The following THSD7B variants were observed in gnomAD, a reference collection of about 807,000 sequenced individuals.
THSD7B encodes the protein thrombospondin type 1 domain containing 7B, also known as thrombospondin type-1 domain-containing protein 7B.
A neutral mutation model predicts 213.6 loss-of-function variants in THSD7B; 138 were observed. The ratio of observed to expected loss-of-function variants is 0.65; its 90% confidence interval spans 0.56 to 0.74. The LOEUF (loss-of-function observed/expected upper bound fraction) is 0.74. Among genes scored for constraint, THSD7B ranks in the 30% least tolerant of loss-of-function variants. The pLI is 0.00. For synonymous variants in THSD7B, 742 were observed against 687.0 expected, an observed-to-expected ratio of 1.08 and a Z score of -1.25; for missense variants, 1,931 against 1,991.5, an observed-to-expected ratio of 0.97 and a Z score of 0.58.
intron 3 of THSD7B, among the ~76,000 whole-genome samples, chr2:137,059,390 C>A (rs751721996): frequency 6.6e-6 from 1 of 152,106 alleles, no homozygotes; most frequent in Non-Finnish European, 1.5e-5. Context: ...TTAATAAAGA[C>A]TATAGTTTAC....
chr2:136,921,047 G>A (rs7594292), intron 2 of THSD7B, among the ~76,000 whole-genome samples: 24,238 of 151,842 alleles, frequency 0.16, 2,436 homozygotes, highest in East Asian at 0.44. Flanking sequence ...ATCAGCACCC[G>A]GGAGTGCGGC....
chr2:137,079,606 G>A (rs186793178), intron 3 of THSD7B, among the ~76,000 whole-genome samples: 31 of 148,520 alleles, frequency 2.1e-4, no homozygotes, highest in Admixed American at 1.1e-3. Flanking sequence ...AAACCACTAC[G>A]ATATGTGTGT....
chr2:136,945,079 G>A (rs1362518651), intron 2 of THSD7B, among the ~76,000 whole-genome samples: 2 of 152,130 alleles, frequency 1.3e-5, no homozygotes, highest in East Asian at 3.9e-4. Context: ...TGTAGGGCAG[G>A]CATGGTGGTG....
chr2:137,329,848 C>T lies in THSD7B; in HGVS notation c.2500+53822C>T, dbSNP rs189100874. Reference sequence around the variant, plus strand: ...GTTGATCACCAAGACAATGGGGAAACTGTCTCTAGGGCACGTCAGAGACCT... The same window carrying T: ...GTTGATCACCAAGACAATGGGGAAATTGTCTCTAGGGCACGTCAGAGACCT... On this transcript the variant is annotated intron_variant, in intron 12 of 27. Transcript: ENST00000409968. 2.8e-3 allele frequency among the ~76,000 whole-genome samples: 433 copies of T among 152,306 alleles called. 1 individual carries two copies. The highest frequency in any genetic ancestry group is 9.9e-3 in the African/African-American group (411 of 41,556).
chr2:137,068,916 A>G (rs773883042), intron 3 of THSD7B, among the ~76,000 whole-genome samples: 19 of 152,026 alleles, frequency 1.2e-4, no homozygotes, highest in Non-Finnish European at 2.2e-4. Flanking sequence ...CACTTTATCA[A>G]TCTAGGACAC....
At chr2:137,634,221 T>A (rs1230091473) in intron 20 of THSD7B, among the ~76,000 whole-genome samples, 1 of 152,128 alleles carries the variant, frequency 6.6e-6, no homozygotes, top group Admixed American at 6.5e-5. Context: ...CCCTTCTAGA[T>A]GTTGGTTTCT....
At chr2:137,027,971 A>C (rs1446160846) in intron 2 of THSD7B, among the ~76,000 whole-genome samples, 1 of 152,204 alleles carries the variant, frequency 6.6e-6, no homozygotes, top group Admixed American at 6.5e-5. Context: ...TGCTTATCAT[A>C]GTTCCCTGCA....
intron 2 of THSD7B, among the ~76,000 whole-genome samples, chr2:137,040,745 C>T (rs913416200): frequency 2.6e-5 from 4 of 152,014 alleles, no homozygotes; most frequent in African/African-American, 9.7e-5. Context: ...CAGTGTACCC[C>T]ATGGCTTATG....
In THSD7B at chr2:137,056,904, TCC is replaced by T. The variant is rs1161591760; in HGVS notation, c.628_629del (p.Pro210SerfsTer12). On this transcript the variant is annotated frameshift_variant, in exon 3 of 28. Transcript: ENST00000409968. LOFTEE classifies it high-confidence loss of function. The part of the protein sequence containing the change: ...LQHRTRAVIA[P>X]PLFGGLQCPN... ...AGCATAGAACTCGCGCGGTCATAGC[TCC>T]CCCTCTCTTTGGTGGTTTGCAATGT... 1 of 1,613,740 alleles carries T rather than the reference TCC, an allele frequency of 6.2e-7. No homozygotes were observed. The highest frequency in any genetic ancestry group is 1.7e-5 in the Admixed American group (1 of 59,996).
At chr2:136,920,287 C>T (rs1329938712) in intron 2 of THSD7B, among the ~76,000 whole-genome samples, 1 of 152,186 alleles carries the variant, frequency 6.6e-6, no homozygotes, top group African/African-American at 2.4e-5. Flanking sequence ...TTTCCTTCCA[C>T]AGGCAGGTCG....
chr2:136,972,195 A>G (rs1490289001), intron 2 of THSD7B, among the ~76,000 whole-genome samples: 2 of 152,134 alleles, frequency 1.3e-5, no homozygotes, highest in Admixed American at 1.3e-4. Flanking sequence ...ATCCAACATT[A>G]TCTGCTGAAT....
At chr2:137,304,840 C>A (rs2104851694) in intron 12 of THSD7B, among the ~76,000 whole-genome samples, 1 of 152,084 alleles carries the variant, frequency 6.6e-6, no homozygotes, top group Middle Eastern at 3.4e-3. Flanking sequence ...AATAATAATT[C>A]ATAATAATGT....
intron 1 of THSD7B, among the ~76,000 whole-genome samples, chr2:136,861,383 G>A (rs1683257213): frequency 6.6e-6 from 1 of 152,178 alleles, no homozygotes; most frequent in African/African-American, 2.4e-5. Context: ...CCTACCATGT[G>A]TGAGATTCCG....
At chr2:136,815,786 G>T (rs1304381047) in intron 1 of THSD7B, among the ~76,000 whole-genome samples, 3 of 152,184 alleles carry the variant, frequency 2.0e-5, no homozygotes, top group Non-Finnish European at 4.4e-5. Context: ...CACACAGAGA[G>T]GTTAAATTTT....
Position 137,593,718 on chromosome 2 carries a change from A to G in THSD7B, c.3423+21162A>G, listed in dbSNP as rs567019585. ...TTGTGAATATTTTCCACAATTTTAT[A>G]TTGCGTTTTACCTTTTTATCACAAT... On this transcript the variant is annotated intron_variant, in intron 17 of 27. Transcript: ENST00000409968. 2.0e-3 allele frequency among the ~76,000 whole-genome samples: 299 copies of G among 152,056 alleles called. 1 individual carries two copies. Among genetic ancestry groups the G allele is most frequent in the African/African-American group, 4.9e-3 (203 of 41,552 alleles).
intron 2 of THSD7B, among the ~76,000 whole-genome samples, chr2:137,009,195 G>A (rs933957599): frequency 5.3e-5 from 8 of 152,234 alleles, no homozygotes; most frequent in Non-Finnish European, 7.4e-5. Context: ...TTGCTTTCCC[G>A]TGTGTTACTA....
At chr2:136,809,612 G>A (rs1682345100) in intron 1 of THSD7B, among the ~76,000 whole-genome samples, 1 of 152,270 alleles carries the variant, frequency 6.6e-6, no homozygotes, top group East Asian at 1.9e-4. Flanking sequence ...GATCACAGAG[G>A]AACAACAAAG....
intron 7 of THSD7B, among the ~76,000 whole-genome samples, chr2:137,172,832 G>A (rs1680283378): frequency 6.6e-6 from 1 of 152,184 alleles, no homozygotes; most frequent in Non-Finnish European, 1.5e-5. Flanking sequence ...CAAATAGATA[G>A]TGTTAGAGTT....
chr2:137,176,132 C>T (rs1308363397), intron 7 of THSD7B, among the ~76,000 whole-genome samples: 4 of 152,068 alleles, frequency 2.6e-5, no homozygotes, highest in Non-Finnish European at 4.4e-5. Flanking sequence ...ATAGATTATT[C>T]ATCAGATATT....
Sources: allele counts gnomAD v4.1 joint callset (sites outside exome capture counted in the v4.1 genomes callset), GRCh38; gene constraint gnomAD v4.1.1; transcripts MANE v1.5; gene names NCBI Gene and HGNC (gene_info 2026-07-23, HGNC 2026-07-21).